Variants in RAPGEF6 observed in about 807,000 individuals in gnomAD.
RAPGEF6 encodes the protein Rap guanine nucleotide exchange factor 6.
RAPGEF6 carries 56 observed loss-of-function variants against 171.4 expected under a neutral mutation model. That is an observed-to-expected ratio of 0.33 (90% confidence interval 0.26 to 0.41). The LOEUF (loss-of-function observed/expected upper bound fraction) is 0.41. RAPGEF6 is among the 10% of genes least tolerant of loss of function. RAPGEF6 has a pLI of 1.00. For synonymous variants in RAPGEF6, 692 were observed against 650.1 expected, an observed-to-expected ratio of 1.06 and a Z score of -0.98; for missense variants, 1,674 against 1,921.4, an observed-to-expected ratio of 0.87 and a Z score of 2.41.
intron 4 of RAPGEF6, among the ~76,000 whole-genome samples, chr5:131,578,314 C>G (rs1762724697): frequency 6.6e-6 from 1 of 152,192 alleles, no homozygotes; most frequent in African/African-American, 2.4e-5. Flanking sequence ...CAATCCTTCT[C>G]TAGCAAAGAA....
chr5:131,496,810 T>G (rs1756668064), intron 12 of RAPGEF6, among the ~76,000 whole-genome samples: 1 of 152,222 alleles, frequency 6.6e-6, no homozygotes, highest in Non-Finnish European at 1.5e-5. Flanking sequence ...GCTACGAATA[T>G]TTACGTCAAG....
At chr5:131,587,768 T>C (rs1051392904) in intron 4 of RAPGEF6, among the ~76,000 whole-genome samples, 1 of 152,182 alleles carries the variant, frequency 6.6e-6, no homozygotes, top group African/African-American at 2.4e-5. Context: ...AGAACTCCTC[T>C]TCCCCAAAGG....
At chr5:131,632,075 CAAAAAAAAAAA>C (rs529399752) in intron 1 of RAPGEF6, among the ~76,000 whole-genome samples, 1 of 63,750 alleles carries the variant, frequency 1.6e-5, no homozygotes. Context: ...GACTCTGTCT[CAAAAAAAAAAA>C]AAAAAAAAAA....
chr5:131,615,101 A>G (rs1199938669), intron 1 of RAPGEF6, among the ~76,000 whole-genome samples: 2 of 152,200 alleles, frequency 1.3e-5, no homozygotes, highest in African/African-American at 2.4e-5. Context: ...TCTGCACACT[A>G]AAGTTTGAGA....
intron 16 of RAPGEF6, 66 bp downstream of exon 16, chr5:131,479,447 C>A (rs1305920526): frequency 1.9e-5 from 30 of 1,567,620 alleles, no homozygotes; most frequent in South Asian, 8.2e-5. Flanking sequence ...AGCCTCCCCC[C>A]ACCCCAAATA....
At chr5:131,562,528 C>T (rs183540876) in intron 4 of RAPGEF6, among the ~76,000 whole-genome samples, 1 of 152,238 alleles carries the variant, frequency 6.6e-6, no homozygotes, top group East Asian at 1.9e-4. Flanking sequence ...CTCTTGGTAT[C>T]CAACTGGGAT....
At chr5:131,633,919 T>C (rs1180534229) in intron 1 of RAPGEF6, among the ~76,000 whole-genome samples, 1 of 152,180 alleles carries the variant, frequency 6.6e-6, no homozygotes, top group Admixed American at 6.5e-5. Context: ...TAAATGTATA[T>C]CTCAAAAAGA....
intron 7 of RAPGEF6, among the ~76,000 whole-genome samples, chr5:131,516,578 T>C (rs1002281171): frequency 2.0e-5 from 3 of 152,196 alleles, no homozygotes; most frequent in Non-Finnish European, 4.4e-5. Flanking sequence ...GATAAATGTG[T>C]GTCTGGAGTT....
intron 1 of RAPGEF6, among the ~76,000 whole-genome samples, chr5:131,615,518 C>G (rs1765210354): frequency 6.6e-6 from 1 of 152,192 alleles, no homozygotes; most frequent in Admixed American, 6.5e-5. Flanking sequence ...TACAGACAGT[C>G]TTCGGCAGTA....
At chr5:131,435,520 A>G (rs1438781393) in intron 24 of RAPGEF6, among the ~76,000 whole-genome samples, 1 of 152,228 alleles carries the variant, frequency 6.6e-6, no homozygotes, top group Non-Finnish European at 1.5e-5. Context: ...CCACCTGGCA[A>G]GCCAATTAAA....
At chr5:131,516,559 T>C (rs1424918691) in intron 7 of RAPGEF6, among the ~76,000 whole-genome samples, 1 of 152,072 alleles carries the variant, frequency 6.6e-6, no homozygotes, top group Non-Finnish European at 1.5e-5. Flanking sequence ...ACTGAAAAGG[T>C]AGGTGGTGGA....
intron 9 of RAPGEF6, among the ~76,000 whole-genome samples, chr5:131,506,297 T>C (rs1195615642): frequency 6.6e-6 from 1 of 152,148 alleles, no homozygotes; most frequent in African/African-American, 2.4e-5. Flanking sequence ...TCCACCACCA[T>C]GCTTGGTCAA....
intron 7 of RAPGEF6, among the ~76,000 whole-genome samples, chr5:131,512,734 T>A (rs1180584763): frequency 2.0e-5 from 3 of 152,164 alleles, no homozygotes; most frequent in Non-Finnish European, 4.4e-5. Context: ...GATGGAATTA[T>A]GAAGTGGGGC....
At chr5:131,580,810 C>T (rs1022600220) in intron 4 of RAPGEF6, among the ~76,000 whole-genome samples, 1 of 152,160 alleles carries the variant, frequency 6.6e-6, no homozygotes, top group Non-Finnish European at 1.5e-5. Flanking sequence ...AAGGTCTCTT[C>T]TTTTTATGTG....
At chr5:131,504,960 A>C (rs562891489) in intron 10 of RAPGEF6, among the ~76,000 whole-genome samples, 182 bp from the exon 11 acceptor site, 7 of 152,318 alleles carry the variant, frequency 4.6e-5, no homozygotes, top group Admixed American at 2.6e-4. Flanking sequence ...AAAGAAGTCT[A>C]ATCTGTTTGA....
chr5:131,495,226 C>T (rs985857828), intron 13 of RAPGEF6, among the ~76,000 whole-genome samples: 15 of 151,426 alleles, frequency 9.9e-5, no homozygotes, highest in African/African-American at 3.6e-4. Flanking sequence ...ACCTGGAAAG[C>T]GGAGGTCGCA....
chr5:131,600,550 A>AAGGAAGGAAGGAAGGG (rs1554086099), intron 3 of RAPGEF6, among the ~76,000 whole-genome samples: 15 of 121,562 alleles, frequency 1.2e-4, no homozygotes, highest in African/African-American at 4.6e-4. Flanking sequence ...GGAAGGAAGG[A>AAGGAAGGAAGGAAGGG]AGGGAGGGAG....
At chr5:131,533,071 G>C (rs1468496163) in intron 6 of RAPGEF6, 1 of 152,200 alleles carries the variant, frequency 6.6e-6, no homozygotes, top group Non-Finnish European at 1.5e-5. Flanking sequence ...AGAGCTAAAA[G>C]GATGACATCA....
At chr5:131,470,284 C>T (rs1215706635) in intron 17 of RAPGEF6, among the ~76,000 whole-genome samples, 3 of 152,130 alleles carry the variant, frequency 2.0e-5, no homozygotes, top group Non-Finnish European at 4.4e-5. Flanking sequence ...TATCTTTAGT[C>T]CTTTAAACAT....
Sources: gnomAD v4.1 joint callset for allele counts (sites outside exome capture counted in the v4.1 genomes callset) on GRCh38, gnomAD v4.1.1 for gene constraint, MANE v1.5 for transcripts, NCBI Gene and HGNC (gene_info 2026-07-23, HGNC 2026-07-21) for gene names.